KIF13A: variants seen among roughly 807,000 people sequenced by gnomAD.
KIF13A encodes the protein kinesin-like protein KIF13A.
In KIF13A, 79 loss-of-function variants were observed where a neutral mutation model predicts 212.2. The observed-to-expected ratio is 0.37, with a 90% CI of 0.31 to 0.45. KIF13A has a LOEUF of 0.45. KIF13A is among the 20% of genes least tolerant of loss of function. The pLI is 1.00. For synonymous variants in KIF13A, 789 were observed against 808.6 expected, an observed-to-expected ratio of 0.98 and a Z score of 0.41; for missense variants, 1,901 against 2,209.0, an observed-to-expected ratio of 0.86 and a Z score of 2.79.
intron 2 of KIF13A, among the ~76,000 whole-genome samples, chr6:17,905,704 A>G (rs1286797550): frequency 1.3e-5 from 2 of 152,214 alleles, no homozygotes; most frequent in Non-Finnish European, 2.9e-5. Flanking sequence ...CCAAGCTGAC[A>G]AGCCAAAGAA....
intron 4 of KIF13A, among the ~76,000 whole-genome samples, chr6:17,865,098 T>C (rs1479391705): frequency 1.3e-5 from 2 of 152,130 alleles, no homozygotes; most frequent in Non-Finnish European, 2.9e-5. Flanking sequence ...AAATCTGCAT[T>C]AAACAAGGCA....
At chr6:17,790,169 A>G (rs934494734) in intron 25 of KIF13A, among the ~76,000 whole-genome samples, 1 of 152,248 alleles carries the variant, frequency 6.6e-6, no homozygotes, top group African/African-American at 2.4e-5. Context: ...TGGGAGGCTG[A>G]GGCAGGAGGA....
rs1184086033 is a variant in KIF13A, at chr6:17,897,276, A to G, written c.159+892T>C. 6.6e-6 allele frequency among the ~76,000 whole-genome samples: 1 copy of G among 152,116 alleles called. No individual in the cohort carries two copies. The highest frequency in any genetic ancestry group is 1.5e-5 in the Non-Finnish European group (1 of 68,014). On this transcript the variant is annotated intron_variant, in intron 3 of 38. Coordinates refer to ENST00000259711, the MANE Select transcript of KIF13A (RefSeq NM_022113.6). The surrounding 1 kb of genome is among the most constrained non-coding windows in gnomAD (Gnocchi z 4.8). ...TTTCTGGATTCCATGCCGTCACCCA[A>G]CTTGTCTTAGATTCTGACCATATAA... is the stretch of plus-strand genomic sequence containing the variant.
chr6:17,940,259 T>C (rs544316632), intron 2 of KIF13A, among the ~76,000 whole-genome samples: 1 of 152,196 alleles, frequency 6.6e-6, no homozygotes, highest in East Asian at 1.9e-4. Flanking sequence ...TAAACTTCAA[T>C]ATGTATACGG....
rs758607280 is a variant in KIF13A, at chr6:17,875,456, CTTTTTTTTTT to C, written c.160-2029_160-2020del. On this transcript the variant is annotated intron_variant, in intron 3 of 38. Transcript: ENST00000259711. ...CATCAAACTGCTGTTTTTTCTTTTC[CTTTTTTTTTT>C]TTTTTTGAGACAGAGTCTCACTCTG... Among the ~76,000 whole-genome samples the C allele has an allele frequency of 2.9e-5, 4 of 137,148 alleles. No individual in the cohort carries two copies. In the South Asian group the frequency reaches 9.4e-4, roughly 32 times the overall value. 90.0% of individuals were successfully genotyped at this position (137,148 alleles called of 152,430 possible).
Position 17,808,909 on chromosome 6 carries a change from GCTTTGTCGGAAGAGT to G in KIF13A, c.2007_2021del (p.Glu669_Ser674delinsAsp). 6.2e-7 allele frequency: 1 copy of G among 1,612,640 alleles called. No individual in the cohort carries two copies. The highest frequency in any genetic ancestry group is 8.5e-7 in the Non-Finnish European group (1 of 1,179,294). Reference sequence around the variant, plus strand: ...CCAGCTGCTCTCGCAGTTTTGCCAGGCTTTGTCGGAAGAGTTCATCCCTGCAGTGTCATAGAAAAG... The same window carrying G: ...CCAGCTGCTCTCGCAGTTTTGCCAGGTCATCCCTGCAGTGTCATAGAAAAG... On this transcript the variant is annotated inframe_deletion, in exon 18 of 39. Coordinates refer to ENST00000259711, the MANE Select transcript of KIF13A (RefSeq NM_022113.6).
intron 3 of KIF13A, among the ~76,000 whole-genome samples, chr6:17,879,386 C>T (rs1031244476): frequency 1.3e-5 from 2 of 152,124 alleles, no homozygotes; most frequent in Non-Finnish European, 2.9e-5. Context: ...GGAACACAGA[C>T]AAGAGCATGG....
At chr6:17,865,076 C>T (rs997716550) in intron 4 of KIF13A, among the ~76,000 whole-genome samples, 2 of 152,182 alleles carry the variant, frequency 1.3e-5, no homozygotes, top group Admixed American at 6.5e-5. Context: ...GATATACGCC[C>T]TATCTTGTTT....
Position 17,963,291 on chromosome 6 carries a change from G to A in KIF13A, c.146+23763C>T, listed in dbSNP as rs1160088935. Among the ~76,000 whole-genome samples, 2 of 152,088 alleles carry A rather than the reference G, an allele frequency of 1.3e-5. No homozygotes were observed. Among genetic ancestry groups the A allele is most frequent in the Non-Finnish European group, 2.9e-5 (2 of 68,018 alleles). ...AAATTAGCTGGGCATGGTGGCGGGC[G>A]CCTGTAGTCCCAGCTACTCGGGAGG... On this transcript the variant is annotated intron_variant, in intron 2 of 38. Coordinates refer to ENST00000259711, the MANE Select transcript of KIF13A (RefSeq NM_022113.6). The surrounding 1 kb of genome is among the most constrained non-coding windows in gnomAD (Gnocchi z 4.1).
chr6:17,873,381 G>GT lies in KIF13A; in HGVS notation c.215dup (p.Tyr72Ter), dbSNP rs1282096308. The change falls in exon 4 of 39, where the codon TAC (tyrosine) becomes TAAC (stop). Residue 72 changes from tyrosine to a stop codon, truncating the protein, a stop_gained and frameshift_variant. Coordinates refer to ENST00000259711, the MANE Select transcript of KIF13A (RefSeq NM_022113.6). LOFTEE classifies it high-confidence loss of function. ...WSMDESNTTK[Y>*]AGQEVVFKCL... Reference sequence around the variant, plus strand: ...GTGTAGAGGGAGAAAACTTACCAGCGTATTTTGTAGTGTTAGATTCATCCA... The same window carrying GT: ...GTGTAGAGGGAGAAAACTTACCAGCGTTATTTTGTAGTGTTAGATTCATCCA... The GT allele has an allele frequency of 6.3e-7, 1 of 1,593,896 alleles. No homozygotes were observed. Among genetic ancestry groups the GT allele is most frequent in the Non-Finnish European group, 8.6e-7 (1 of 1,168,894 alleles).
chr6:17,815,155 A>T (rs1763810023), intron 17 of KIF13A, among the ~76,000 whole-genome samples: 1 of 152,234 alleles, frequency 6.6e-6, no homozygotes, highest in African/African-American at 2.4e-5. Flanking sequence ...AGGACAGCTT[A>T]CACCATTATT....
intron 6 of KIF13A, among the ~76,000 whole-genome samples, chr6:17,853,130 A>G (rs1355364900): frequency 6.6e-6 from 1 of 152,216 alleles, no homozygotes; most frequent in Admixed American, 6.5e-5. Context: ...TGCATCCCAA[A>G]GTCCTGGCAT....
chr6:17,907,069 C>T (rs778416540), intron 2 of KIF13A, among the ~76,000 whole-genome samples: 1 of 152,202 alleles, frequency 6.6e-6, no homozygotes, highest in Non-Finnish European at 1.5e-5. Flanking sequence ...ATGATCATTA[C>T]TTTAATTAAT....
Position 17,783,656 on chromosome 6 carries a change from G to A in KIF13A, c.3534C>T (p.Leu1178=), listed in dbSNP as rs1206027183. The A allele has an allele frequency of 1.3e-6, 2 of 1,578,188 alleles. No individual in the cohort carries two copies. The highest frequency in any genetic ancestry group is 1.7e-6 in the Non-Finnish European group (2 of 1,157,658). ...GMETHIPVLF[L]DLNADDLSAN... ...TAAGTGTCTACTTACCATTCAAATCGAGGAAGAGAACTGGTATGTGGGTTT... is the reference window on the plus strand; with the variant it reads ...TAAGTGTCTACTTACCATTCAAATCAAGGAAGAGAACTGGTATGTGGGTTT... The change falls in exon 29 of 39, where the codon CTC becomes CTT. Residue 1178 remains leucine (L), a synonymous_variant. Coordinates refer to ENST00000259711, the MANE Select transcript of KIF13A (RefSeq NM_022113.6). The surrounding 1 kb of genome is among the most constrained non-coding windows in gnomAD (Gnocchi z 4.3).
chr6:17,914,244 A>G lies in KIF13A; in HGVS notation c.147-16064T>C, dbSNP rs1327343533. Among the ~76,000 whole-genome samples the G allele has an allele frequency of 6.6e-6, 1 of 152,216 alleles. No homozygotes were observed. The highest frequency in any genetic ancestry group is 1.5e-5 in the Non-Finnish European group (1 of 68,032). On this transcript the variant is annotated intron_variant, in intron 2 of 38. Coordinates refer to ENST00000259711, the MANE Select transcript of KIF13A (RefSeq NM_022113.6). This position sits in a 1 kb window ranked among gnomAD's most constrained non-coding sequence, Gnocchi z 5.9. ...TAAATTTTTATTGCTTTTAAACTAC[A>G]TTATTTATAGTGACCCTTGTTTTTC...
downstream of KIF13A, chr6:17,760,952 C>A (rs1225446526): frequency 1.4e-6 from 2 of 1,472,352 alleles, no homozygotes; most frequent in Admixed American, 3.5e-5. Context: ...CTACTCTCAG[C>A]CCAGTCCACA....
intron 11 of KIF13A, 146 bp downstream of exon 11, chr6:17,836,732 G>A: frequency 1.3e-6 from 1 of 756,044 alleles, no homozygotes; most frequent in South Asian, 1.7e-5. Flanking sequence ...TCCAACACTG[G>A]TGATTACAAT....
chr6:17,876,152 C>T (rs1770537968), intron 3 of KIF13A, among the ~76,000 whole-genome samples: 2 of 152,188 alleles, frequency 1.3e-5, no homozygotes, highest in African/African-American at 4.8e-5. Context: ...CAGCTACCTT[C>T]CTGGGCTCAC....
rs1019882984 is a variant in KIF13A at position 17,809,510 on chromosome 6, T to C, written c.2001-580A>G. ...CTCAGCCCCATGCCTTTAGCCTCCA[T>C]AGCATTTGCCATAGTTAGAACTTTT... On this transcript the variant is annotated intron_variant, in intron 17 of 38. Coordinates refer to ENST00000259711, the MANE Select transcript of KIF13A (RefSeq NM_022113.6). The surrounding 1 kb of genome is among the most constrained non-coding windows in gnomAD (Gnocchi z 4.7). Among the ~76,000 whole-genome samples, 1 of 152,230 alleles carries C rather than the reference T, an allele frequency of 6.6e-6. No homozygotes were observed. The highest frequency in any genetic ancestry group is 1.5e-5 in the Non-Finnish European group (1 of 68,036).
Sources: gnomAD v4.1 joint callset for allele counts (sites outside exome capture counted in the v4.1 genomes callset) on GRCh38, gnomAD v4.1.1 for gene constraint, Gnocchi (gnomAD v3.1) non-coding constraint, MANE v1.5 for transcripts, NCBI Gene and HGNC (gene_info 2026-07-23, HGNC 2026-07-21) for gene names.